DCLK2: variants seen among roughly 807,000 people sequenced by gnomAD.
The protein encoded by DCLK2 is serine/threonine-protein kinase DCLK2.
DCLK2 carries 31 observed loss-of-function variants against 78.4 expected under a neutral mutation model. The observed-to-expected ratio is 0.40, with a 90% confidence interval of 0.30 to 0.53. The LOEUF is 0.53. Ranked by LOEUF, DCLK2 falls within the 20% of genes least tolerant of loss-of-function variation. The pLI, the probability that DCLK2 is intolerant of heterozygous loss-of-function variation, is 0.61. For missense variants in DCLK2, 872 were observed against 973.7 expected (o/e 0.90, Z 1.39); for synonymous variants, 407 against 374.9 (o/e 1.09, Z -0.99).
chr4:150,130,690 G>A (rs1190671639), intron 2 of DCLK2, among the ~76,000 whole-genome samples: 1 of 151,912 alleles, frequency 6.6e-6, no homozygotes, highest in Non-Finnish European at 1.5e-5. Flanking sequence ...GCTGAACTGA[G>A]GCTAAAAGAG....
At chr4:150,156,057 G>A (rs1201823423) in intron 2 of DCLK2, among the ~76,000 whole-genome samples, 1 of 152,000 alleles carries the variant, frequency 6.6e-6, no homozygotes, top group Non-Finnish European at 1.5e-5. Context: ...GGAGGTAAAT[G>A]GAGAAATTCT....
At chr4:150,158,633 A>G (rs1735489408) in intron 2 of DCLK2, among the ~76,000 whole-genome samples, 1 of 152,192 alleles carries the variant, frequency 6.6e-6, no homozygotes, top group Non-Finnish European at 1.5e-5. Flanking sequence ...TCAATATGTA[A>G]ACTAAAATGT....
chr4:150,122,897 A>T (rs867419664), intron 2 of DCLK2, among the ~76,000 whole-genome samples: 3 of 152,214 alleles, frequency 2.0e-5, no homozygotes, highest in African/African-American at 7.2e-5. Flanking sequence ...CTTAAACCTC[A>T]TGAACCAACT....
chr4:150,184,640 C>G (rs566432648), intron 2 of DCLK2, among the ~76,000 whole-genome samples: 1 of 147,278 alleles, frequency 6.8e-6, no homozygotes, highest in African/African-American at 2.5e-5. Flanking sequence ...CTCACTCTGT[C>G]GCCCAGGCTG....
Position 150,192,473 on chromosome 4 carries a change from C to T in DCLK2, c.757-665C>T, listed in dbSNP as rs543796330. ...CCAGCCTGGTGACAGAGCAAGATTG[C>T]GTCTCAAAAAAAAAAAAAAAAACAA... On this transcript the variant is annotated intron_variant, in intron 2 of 15. Coordinates refer to ENST00000296550, the MANE Select transcript of DCLK2 (RefSeq NM_001040260.4). 3.5e-5 allele frequency among the ~76,000 whole-genome samples: 3 copies of T among 85,696 alleles called. No homozygotes were observed. The South Asian group carries it at 1.7e-3, about 47-fold the overall frequency. 56.2% of individuals were successfully genotyped at this position (85,696 alleles called of 152,430 possible). A position where few individuals can be genotyped will look rare whatever the true frequency, so the allele number is the denominator to read the frequency against.
intron 7 of DCLK2, 147 bp downstream of exon 7, chr4:150,221,932 C>T: frequency 2.2e-6 from 1 of 464,560 alleles, no homozygotes; most frequent in Non-Finnish European, 3.8e-6. Flanking sequence ...CCTGAGTCTG[C>T]CCTTGGGACC....
Position 150,102,797 on chromosome 4 carries a change from C to A in DCLK2, c.741C>A (p.Thr247=). ...CAGGAGTCGTCAAGAGGCTCTGCAC[C>A]CTGGATGGAAAGCAGGTAAGATGCT... The part of the protein sequence containing the change: ...LDSGVVKRLC[T]LDGKQVTCLQ... Residue 247 remains threonine (T), a synonymous_variant, in exon 2 of 16, where the codon ACC becomes ACA. Transcript: ENST00000296550. 4 of 1,604,186 alleles carry A rather than the reference C, an allele frequency of 2.5e-6. No homozygotes were observed. Among genetic ancestry groups the A allele is most frequent in the South Asian group, 1.1e-5 (1 of 89,968 alleles).
At chr4:150,227,602 A>G (rs1269085737) in intron 8 of DCLK2, among the ~76,000 whole-genome samples, 1 of 152,178 alleles carries the variant, frequency 6.6e-6, no homozygotes. Context: ...TAAGTAGGAG[A>G]TTATTACAAG....
intron 2 of DCLK2, among the ~76,000 whole-genome samples, chr4:150,105,664 A>G (rs998650701): frequency 1.3e-5 from 2 of 152,106 alleles, no homozygotes; most frequent in African/African-American, 4.8e-5. Flanking sequence ...TTACACATAA[A>G]AATTTCATCC....
intron 15 of DCLK2, among the ~76,000 whole-genome samples, chr4:150,250,043 C>T (rs1477535941): frequency 6.6e-6 from 1 of 152,096 alleles, no homozygotes; most frequent in African/African-American, 2.4e-5. Context: ...TACCCCAAGG[C>T]CTCAGAAATA....
At position 150,249,562 on chromosome 4, in the gene DCLK2, C is replaced by T. The variant is rs1211918219; in HGVS notation, c.1957-6C>T. 4 of 1,611,486 alleles carry T rather than the reference C, an allele frequency of 2.5e-6. No homozygotes were observed. The highest frequency in any genetic ancestry group is 2.5e-6 in the Non-Finnish European group (3 of 1,178,012). On this transcript the variant is annotated splice_region_variant and splice_polypyrimidine_tract_variant and intron_variant, in intron 14 of 15. Transcript: ENST00000296550. ...GCATTGTATTTGATTGTTTTCTTTC[C>T]TGTAGGATGATGCCTCCCAGGAGAA...
chr4:150,152,387 T>C (rs1734962113), intron 2 of DCLK2, among the ~76,000 whole-genome samples: 1 of 152,144 alleles, frequency 6.6e-6, no homozygotes, highest in Non-Finnish European at 1.5e-5. Context: ...GTTCAAGAGA[T>C]TTTCCTGCCT....
At chr4:150,255,886 T>A in intron 15 of DCLK2, 134 bp from the exon 16 acceptor site, 2 of 1,422,392 alleles carry the variant, frequency 1.4e-6, no homozygotes, top group Non-Finnish European at 1.9e-6. Flanking sequence ...GTGAGGCTTC[T>A]GTTAGAAGCT....
chr4:150,243,151 G>A (rs1239483938), intron 12 of DCLK2, among the ~76,000 whole-genome samples: 1 of 152,206 alleles, frequency 6.6e-6, no homozygotes, highest in African/African-American at 2.4e-5. Context: ...TCAAATTGAA[G>A]AGGATGCATT....
At chr4:150,142,020 C>G (rs1412950034) in intron 2 of DCLK2, among the ~76,000 whole-genome samples, 2 of 152,192 alleles carry the variant, frequency 1.3e-5, no homozygotes, top group South Asian at 2.1e-4. Flanking sequence ...TGAAATCATA[C>G]TATATTAAAT....
intron 2 of DCLK2, among the ~76,000 whole-genome samples, chr4:150,109,335 C>CTTT (rs199549302): frequency 7.0e-6 from 1 of 143,726 alleles, no homozygotes; most frequent in Non-Finnish European, 1.5e-5. Flanking sequence ...ATGCATTTCC[C>CTTT]TTTTTTTTTT....
chr4:150,243,720 C>G (rs1743088102), intron 12 of DCLK2, among the ~76,000 whole-genome samples: 1 of 151,616 alleles, frequency 6.6e-6, no homozygotes, highest in Non-Finnish European at 1.5e-5. Flanking sequence ...TGTTCTCTTT[C>G]TAGTCTTTTT....
At chr4:150,109,178 A>C (rs1462375895) in intron 2 of DCLK2, among the ~76,000 whole-genome samples, 1 of 152,186 alleles carries the variant, frequency 6.6e-6, no homozygotes, top group East Asian at 1.9e-4. Context: ...AGATAAAGCA[A>C]TCTCTTTTCA....
chr4:150,175,074 T>G (rs28723582), intron 2 of DCLK2, among the ~76,000 whole-genome samples: 5 of 7,960 alleles, frequency 6.3e-4, no homozygotes, highest in African/African-American at 1.3e-3. Flanking sequence ...TTATATATAT[T>G]TATATATTTA....
Sources: allele counts gnomAD v4.1 joint callset (sites outside exome capture counted in the v4.1 genomes callset), GRCh38; gene constraint gnomAD v4.1.1; transcripts MANE v1.5; gene names NCBI Gene and HGNC (gene_info 2026-07-23, HGNC 2026-07-21).